The following SWT1 variants were observed in gnomAD, a reference collection of about 807,000 sequenced individuals.
SWT1 encodes SWT1 RNA endoribonuclease homolog.
A neutral mutation model predicts 107.3 loss-of-function variants in SWT1; 33 were observed. The observed-to-expected ratio is 0.31, with a 90% CI of 0.23 to 0.41. The LOEUF (loss-of-function observed/expected upper bound fraction) is 0.41, where lower values mean the gene tolerates loss of function less well. SWT1 is among the 10% of genes least tolerant of loss of function. The pLI is 1.00. For missense variants in SWT1, 898 were observed against 1,028.9 expected, an observed-to-expected ratio of 0.87 and a Z score of 1.74; for synonymous variants, 345 against 348.3, an observed-to-expected ratio of 0.99 and a Z score of 0.11.
At chr1:185,204,665 A>T (rs1658167105) in intron 11 of SWT1, 35 bp from the exon 12 acceptor site, 4 of 1,294,146 alleles carry the variant, frequency 3.1e-6, no homozygotes, top group East Asian at 5.1e-5. Flanking sequence ...TACTGTTAGC[A>T]TTCTAAATAA....
chr1:185,283,796 A>G (rs539549726), intron 18 of SWT1, among the ~76,000 whole-genome samples: 3 of 152,280 alleles, frequency 2.0e-5, no homozygotes, highest in African/African-American at 7.2e-5. Flanking sequence ...ATTTTAGCAT[A>G]TATCAATACT....
At chr1:185,277,038 A>G (rs1436540158) in intron 18 of SWT1, among the ~76,000 whole-genome samples, 2 of 152,178 alleles carry the variant, frequency 1.3e-5, no homozygotes, top group African/African-American at 2.4e-5. Context: ...AATAACAACT[A>G]CATGTTAAGA....
rs1249778484 is a variant in SWT1, at chr1:185,291,007, C to G, written c.*204C>G. 6.0e-6 allele frequency: 2 copies of G among 333,184 alleles called. No homozygotes were observed. Among genetic ancestry groups the G allele is most frequent in the Non-Finnish European group, 1.1e-5 (2 of 182,322 alleles). The allele number at this position is 333,184 out of a possible 1,614,324, so 20.6% of individuals were successfully genotyped here. On this transcript the variant is annotated 3_prime_UTR_variant, in exon 19 of 19. Transcript: ENST00000367500. The stretch of plus-strand genomic sequence containing the variant: ...CACTGTGGAATAAACTCCATAGACT[C>G]AACTCTTCTGGAGTTCACAATGCCT...
rs1657443109 is a variant in SWT1, at chr1:185,196,937, C to T, written c.1524-5717C>T. On this transcript the variant is annotated intron_variant, in intron 10 of 18. Coordinates refer to ENST00000367500, the MANE Select transcript of SWT1 (RefSeq NM_017673.7). ...ACTTCTTCTCTTCGTATTTGAGTAC[C>T]CTTTATTTCTTTCTGTTTTCTGATT... Among the ~76,000 whole-genome samples the T allele has an allele frequency of 3.3e-5, 5 of 152,004 alleles. No individual in the cohort carries two copies. In the South Asian group the frequency reaches 1.0e-3, roughly 32 times the overall value.
rs371675185 is a variant in SWT1, at chr1:185,234,361, A to G, written c.2441+2653A>G. ...TTCTTGTTGCATTAATTCCTTTAGC[A>G]TTATGTAATGCCTTTGTCTCTTTTG... On this transcript the variant is annotated intron_variant, in intron 16 of 18. Transcript: ENST00000367500. Among the ~76,000 whole-genome samples, 25 of 152,288 alleles carry G rather than the reference A, an allele frequency of 1.6e-4. No homozygotes were observed. The East Asian group carries it at 4.2e-3, about 26-fold the overall frequency.
At chr1:185,236,803 G>A (rs1660913941) in intron 16 of SWT1, among the ~76,000 whole-genome samples, 1 of 152,100 alleles carries the variant, frequency 6.6e-6, no homozygotes, top group African/African-American at 2.4e-5. Flanking sequence ...GAAAATTTTT[G>A]CAATCTATCC....
chr1:185,251,553 T>C (rs2102646987), intron 16 of SWT1: 1 of 152,304 alleles, frequency 6.6e-6, no homozygotes, highest in African/African-American at 2.4e-5. Flanking sequence ...CAATTTTTCT[T>C]TGCATATTTT....
intron 14 of SWT1, among the ~76,000 whole-genome samples, chr1:185,217,244 A>T (rs923212105): frequency 3.9e-5 from 6 of 152,146 alleles, no homozygotes; most frequent in African/African-American, 1.2e-4. Context: ...AGTCCTTTAA[A>T]ACAGGGGTCC....
At chr1:185,214,758 T>G in intron 14 of SWT1, 103 bp downstream of exon 14, 1 of 950,804 alleles carries the variant, frequency 1.1e-6, no homozygotes, top group Non-Finnish European at 1.5e-6. Context: ...TTCTAACTTA[T>G]TCTAACATAC....
chr1:185,231,737 A>C (rs1459884839), intron 16 of SWT1, 29 bp downstream of exon 16: 1 of 1,544,008 alleles, frequency 6.5e-7, no homozygotes, highest in East Asian at 2.3e-5. Flanking sequence ...TTAAAGTGTT[A>C]TTTACTTATT....
intron 14 of SWT1, 48 bp from the exon 15 acceptor site, chr1:185,221,801 C>G: frequency 1.5e-6 from 2 of 1,358,232 alleles, no homozygotes; most frequent in South Asian, 1.6e-5. Flanking sequence ...TTTTTCTCCT[C>G]TGCAAATGAA....
At chr1:185,202,173 C>A (rs1657938320) in intron 10 of SWT1, among the ~76,000 whole-genome samples, 2 of 152,254 alleles carry the variant, frequency 1.3e-5, no homozygotes, top group East Asian at 3.9e-4. Context: ...ATGTTCTAAT[C>A]ATATTGGCTT....
intron 16 of SWT1, among the ~76,000 whole-genome samples, chr1:185,231,997 ATG>A (rs1660541902): frequency 1.3e-5 from 2 of 152,178 alleles, no homozygotes; most frequent in Non-Finnish European, 2.9e-5. Context: ...TGATTTTGCT[ATG>A]TTCAAGTTTG....
chr1:185,232,992 T>C (rs1188356768), intron 16 of SWT1, among the ~76,000 whole-genome samples: 1 of 152,190 alleles, frequency 6.6e-6, no homozygotes, highest in Non-Finnish European at 1.5e-5. Flanking sequence ...GCCAATATGC[T>C]TATCTAGTGG....
intron 6 of SWT1, 136 bp downstream of exon 6, chr1:185,180,586 G>A (rs1296457229): frequency 5.8e-6 from 4 of 686,260 alleles, no homozygotes; most frequent in Non-Finnish European, 9.9e-6. Flanking sequence ...CAATATGTAA[G>A]GTTTTATGAA....
At chr1:185,190,673 T>C in intron 10 of SWT1, 31 bp downstream of exon 10, 1 of 1,328,292 alleles carries the variant, frequency 7.5e-7, no homozygotes, top group Non-Finnish European at 1.1e-6. Flanking sequence ...ACTTTTTATT[T>C]TTAAAAAATA....
chr1:185,234,463 G>A lies in SWT1; in HGVS notation c.2441+2755G>A, dbSNP rs141244192. The stretch of plus-strand genomic sequence containing the variant: ...GCTTTTTTTTCTTTCTATTTGCTTC[G>A]TAAATATTCCTCCATCCCTTTATTT... On this transcript the variant is annotated intron_variant, in intron 16 of 18. Coordinates refer to ENST00000367500, the MANE Select transcript of SWT1 (RefSeq NM_017673.7). 6.3e-3 allele frequency among the ~76,000 whole-genome samples: 950 copies of A among 151,814 alleles called. 8 individuals carry two copies. Among genetic ancestry groups the A allele is most frequent in the Middle Eastern group, 0.024 (7 of 294 alleles).
chr1:185,274,636 G>A (rs1664119470), intron 17 of SWT1, among the ~76,000 whole-genome samples: 1 of 152,074 alleles, frequency 6.6e-6, no homozygotes, highest in Non-Finnish European at 1.5e-5. Flanking sequence ...TTAAAAAGAA[G>A]CCATTTCTAA....
intron 16 of SWT1, among the ~76,000 whole-genome samples, chr1:185,234,678 C>G (rs761768215): frequency 6.6e-6 from 1 of 152,046 alleles, no homozygotes; most frequent in Non-Finnish European, 1.5e-5. Flanking sequence ...TTTCTTTGCC[C>G]GTTAGTTGGT....
Sources: gnomAD v4.1 joint callset for allele counts (sites outside exome capture counted in the v4.1 genomes callset) on GRCh38, gnomAD v4.1.1 for gene constraint, MANE v1.5 for transcripts, NCBI Gene and HGNC (gene_info 2026-07-23, HGNC 2026-07-21) for gene names.